Variants in PKNOX2 observed in about 807,000 individuals in gnomAD.
The protein encoded by PKNOX2 is homeobox protein PKNOX2.
In PKNOX2, 14 loss-of-function variants were observed where a neutral mutation model predicts 53.1. The ratio of observed to expected loss-of-function variants is 0.26; its 90% CI spans 0.17 to 0.41. The LOEUF (loss-of-function observed/expected upper bound fraction) is 0.41. Among genes scored for constraint, PKNOX2 ranks in the 10% least tolerant of loss-of-function variants. The pLI is 1.00. For synonymous variants in PKNOX2, 257 were observed against 242.8 expected (o/e 1.06, Z -0.54); for missense variants, 496 against 602.8 (o/e 0.82, Z 1.85).
chr11:125,272,792 G>A (rs1226188906), intron 2 of PKNOX2, among the ~76,000 whole-genome samples: 1 of 152,186 alleles, frequency 6.6e-6, no homozygotes, highest in East Asian at 1.9e-4. Context: ...AACAGGAGAG[G>A]AGCAGCAATG....
At chr11:125,209,797 C>A (rs1261551698) in intron 1 of PKNOX2, among the ~76,000 whole-genome samples, 1 of 151,944 alleles carries the variant, frequency 6.6e-6, no homozygotes, top group Non-Finnish European at 1.5e-5. Flanking sequence ...AAAATAGAAA[C>A]GTCAAAAGCA....
chr11:125,345,922 C>T (rs1235814729), intron 3 of PKNOX2, among the ~76,000 whole-genome samples: 2 of 152,052 alleles, frequency 1.3e-5, no homozygotes, highest in Non-Finnish European at 2.9e-5. Flanking sequence ...GCGGGCCCTG[C>T]GACGCCACCT....
rs576855335 is a variant in PKNOX2, at chr11:125,229,383, C to T, written c.-200-5662C>T. On this transcript the variant is annotated intron_variant, in intron 1 of 12. Transcript: ENST00000298282. ...ATCCAATGATCGACATGTGGAAATG[C>T]AGAATTGGCATGTTTAGGTCATACA... Among the ~76,000 whole-genome samples, 236 of 152,312 alleles carry T rather than the reference C, an allele frequency of 1.5e-3. 2 individuals are homozygous for T. Among genetic ancestry groups the T allele is most frequent in the Middle Eastern group, 6.8e-3 (2 of 294 alleles).
At chr11:125,385,874 C>T in intron 6 of PKNOX2, 152 bp downstream of exon 6, 1 of 975,298 alleles carries the variant, frequency 1.0e-6, no homozygotes, top group East Asian at 3.0e-5. Flanking sequence ...GTCTTGCAGC[C>T]AACAACCATT....
chr11:125,222,753 CTGTGTATGTGTGTATGTGTG>C (rs1351510082), intron 1 of PKNOX2, among the ~76,000 whole-genome samples: 20 of 131,204 alleles, frequency 1.5e-4, no homozygotes, highest in Admixed American at 3.0e-4. Context: ...GTCTGTGTGC[CTGTGTATGTGTGTATGTGTG>C]TGTGTATGTG....
chr11:125,196,240 G>A (rs942529537), intron 1 of PKNOX2, among the ~76,000 whole-genome samples: 2 of 152,156 alleles, frequency 1.3e-5, no homozygotes, highest in African/African-American at 2.4e-5. Context: ...CGTGGCACCC[G>A]AGAAGGGGCT....
chr11:125,217,045 TCA>T (rs1002100623), intron 1 of PKNOX2, among the ~76,000 whole-genome samples: 2 of 149,316 alleles, frequency 1.3e-5, no homozygotes, highest in African/African-American at 2.5e-5. Context: ...ACAGTCTCTC[TCA>T]CACACACACA....
intron 5 of PKNOX2, among the ~76,000 whole-genome samples, chr11:125,371,583 T>A (rs1042233757): frequency 1.3e-5 from 2 of 152,070 alleles, no homozygotes; most frequent in Non-Finnish European, 2.9e-5. Context: ...GTGAGTGGGT[T>A]CCCATGGAAA....
Position 125,198,314 on chromosome 11 carries a change from C to T in PKNOX2, c.-201+33538C>T, listed in dbSNP as rs145345425. 2.7e-3 allele frequency among the ~76,000 whole-genome samples: 411 copies of T among 152,284 alleles called. 3 individuals are homozygous for T. Among genetic ancestry groups the T allele is most frequent in the African/African-American group, 9.0e-3 (373 of 41,538 alleles). On this transcript the variant is annotated intron_variant, in intron 1 of 12. Coordinates refer to ENST00000298282, the MANE Select transcript of PKNOX2 (RefSeq NM_001382323.2). Reference sequence around the variant, plus strand: ...TGTGTCTAGATGGGTTGCTCCCATCCGCTTTTTGGATAGAAAGGCCAGAAG... The same window carrying T: ...TGTGTCTAGATGGGTTGCTCCCATCTGCTTTTTGGATAGAAAGGCCAGAAG...
intron 2 of PKNOX2, among the ~76,000 whole-genome samples, chr11:125,285,879 C>T (rs1293759545): frequency 6.6e-6 from 1 of 152,224 alleles, no homozygotes; most frequent in East Asian, 1.9e-4. Context: ...CTTTCCATCA[C>T]CTCTGTAGGG....
rs536170136 is a variant in PKNOX2, at chr11:125,421,764, G to A, written c.937-7248G>A. ...ATGTCAGCACACATAGAAAATGATA[G>A]TCAAGCCACCAGGCTGCTTACGCCC... On this transcript the variant is annotated intron_variant, in intron 10 of 12. Coordinates refer to ENST00000298282, the MANE Select transcript of PKNOX2 (RefSeq NM_001382323.2). 4.6e-5 allele frequency among the ~76,000 whole-genome samples: 7 copies of A among 152,350 alleles called. No homozygotes were observed. In the East Asian group the frequency reaches 1.2e-3, roughly 25 times the overall value.
chr11:125,260,479 G>A (rs1030281648), intron 2 of PKNOX2, among the ~76,000 whole-genome samples: 1 of 151,750 alleles, frequency 6.6e-6, no homozygotes, highest in South Asian at 2.1e-4. Context: ...TTACAGACGT[G>A]AGCCACCATG....
rs142012907 is a variant in PKNOX2, at chr11:125,367,177, T to C, written c.88-669T>C. Among the ~76,000 whole-genome samples, 333 of 152,312 alleles carry C rather than the reference T, an allele frequency of 2.2e-3. 4 individuals are homozygous for C. In the South Asian group the frequency reaches 0.031, roughly 14 times the overall value. ...AGATAGAAAATCTAATAGATAATAT[T>C]AAAAGGAGTTGCTCTGGTTGGTACA... On this transcript the variant is annotated intron_variant, in intron 4 of 12. Transcript: ENST00000298282.
intron 7 of PKNOX2, among the ~76,000 whole-genome samples, chr11:125,405,800 T>C (rs375638377): frequency 2.9e-4 from 44 of 152,036 alleles, no homozygotes; most frequent in African/African-American, 9.9e-4. Context: ...GGAACAGGAG[T>C]GGGGCCGCTT....
chr11:125,281,504 T>A (rs142266699), intron 2 of PKNOX2, among the ~76,000 whole-genome samples: 19 of 152,198 alleles, frequency 1.2e-4, no homozygotes, highest in African/African-American at 4.3e-4. Flanking sequence ...TACCCGTTGA[T>A]TGCCTCTCTT....
At chr11:125,339,892 C>T (rs1950596402) in intron 3 of PKNOX2, among the ~76,000 whole-genome samples, 1 of 152,164 alleles carries the variant, frequency 6.6e-6, no homozygotes, top group African/African-American at 2.4e-5. Flanking sequence ...AATTTTGTTC[C>T]TTCTCCTCCT....
intron 1 of PKNOX2, among the ~76,000 whole-genome samples, chr11:125,203,083 T>C (rs1938634050): frequency 6.6e-6 from 1 of 151,958 alleles, no homozygotes; most frequent in African/African-American, 2.4e-5. Flanking sequence ...GCTCAGAAAA[T>C]CCCCAGATCT....
intron 7 of PKNOX2, among the ~76,000 whole-genome samples, chr11:125,401,335 C>A (rs1177690654): frequency 6.6e-6 from 1 of 152,172 alleles, no homozygotes; most frequent in African/African-American, 2.4e-5. Context: ...AGTGAAAGGA[C>A]AATGCATGTG....
At chr11:125,213,729 A>T (rs1940152302) in intron 1 of PKNOX2, among the ~76,000 whole-genome samples, 1 of 152,122 alleles carries the variant, frequency 6.6e-6, no homozygotes, top group Non-Finnish European at 1.5e-5. Context: ...AAGTGCTGGG[A>T]TTACAGGCGT....
Sources: gnomAD v4.1 joint callset for allele counts (sites outside exome capture counted in the v4.1 genomes callset) on GRCh38, gnomAD v4.1.1 for gene constraint, MANE v1.5 for transcripts, NCBI Gene and HGNC (gene_info 2026-07-23, HGNC 2026-07-21) for gene names.